Variants in ATXN2 observed in about 807,000 individuals in gnomAD.
The protein encoded by ATXN2 is ataxin 2.
A neutral mutation model predicts 138.6 loss-of-function variants in ATXN2; 37 were observed. That is an observed-to-expected ratio of 0.27 (90% CI 0.21 to 0.35). The LOEUF is 0.35. ATXN2 is among the 10% of genes least tolerant of loss of function. The pLI is 1.00. For synonymous variants in ATXN2, 549 were observed against 543.7 expected (o/e 1.01, Z -0.13); for missense variants, 1,216 against 1,480.3 (o/e 0.82, Z 2.93).
intron 7 of ATXN2, among the ~76,000 whole-genome samples, chr12:111,520,624 C>T (rs1268842732): frequency 6.6e-6 from 1 of 152,022 alleles, no homozygotes; most frequent in Non-Finnish European, 1.5e-5. Flanking sequence ...GCACTCCAGC[C>T]TGGAGACACA....
chr12:111,549,954 C>T (rs1389081703), intron 5 of ATXN2, among the ~76,000 whole-genome samples: 1 of 150,724 alleles, frequency 6.6e-6, no homozygotes, highest in Non-Finnish European at 1.5e-5. Context: ...ACCAGCTACT[C>T]GGGAGGCTGA....
In ATXN2 at chr12:111,457,280, T is replaced by A; in HGVS notation, c.2976A>T (p.Ser992=). 1 of 1,614,128 alleles carries A rather than the reference T, an allele frequency of 6.2e-7. No individual in the cohort carries two copies. The highest frequency in any genetic ancestry group is 2.2e-5 in the East Asian group (1 of 44,884). The change falls in exon 22 of 25, where the codon TCA becomes TCT. Residue 992 remains serine, a synonymous_variant. Coordinates refer to ENST00000673436, the MANE Select transcript of ATXN2 (RefSeq NM_001372574.1). The part of the protein sequence containing the change: ...LHPHTPHPQP[S]ATPTGQQQSQ... Reference sequence around the variant, plus strand: ...TTTGCTGCTGTCCAGTGGGGGTAGCTGAAGGCTGAGGGTGTGGAGTATGTG... The same window carrying A: ...TTTGCTGCTGTCCAGTGGGGGTAGCAGAAGGCTGAGGGTGTGGAGTATGTG...
intron 1 of ATXN2, among the ~76,000 whole-genome samples, chr12:111,568,735 TTAAG>T (rs1483021922): frequency 5.3e-5 from 8 of 152,214 alleles, no homozygotes; most frequent in African/African-American, 1.9e-4. Context: ...GTTTTAATAC[TTAAG>T]TAACTAATAT....
At chr12:111,507,851 A>T (rs375180789) in intron 14 of ATXN2, among the ~76,000 whole-genome samples, 1 of 152,258 alleles carries the variant, frequency 6.6e-6, no homozygotes, top group African/African-American at 2.4e-5. Flanking sequence ...CTGTTGATCT[A>T]TGACCTTACC....
intron 1 of ATXN2, among the ~76,000 whole-genome samples, chr12:111,576,726 G>A (rs1287132049): frequency 2.0e-5 from 3 of 151,812 alleles, no homozygotes; most frequent in East Asian, 2.0e-4. Context: ...TTGGGAGGCC[G>A]AGGCGGGCGG....
At chr12:111,490,073 T>C (rs989630076) in intron 14 of ATXN2, among the ~76,000 whole-genome samples, 3 of 151,580 alleles carry the variant, frequency 2.0e-5, no homozygotes, top group Admixed American at 6.6e-5. Context: ...CCAGGCGTGA[T>C]GGCACACGTG....
intron 8 of ATXN2, 48 bp downstream of exon 8, chr12:111,519,831 C>A: frequency 6.2e-7 from 1 of 1,613,432 alleles, no homozygotes; most frequent in Non-Finnish European, 8.5e-7. Flanking sequence ...CTCACACAGA[C>A]CTTGAGTTGT....
chr12:111,509,642 G>C, intron 13 of ATXN2, 23 bp from the exon 14 acceptor site: 1 of 1,363,354 alleles, frequency 7.3e-7, no homozygotes, highest in Non-Finnish European at 1.0e-6. Flanking sequence ...GAACTGTTAA[G>C]ACACAGGTTT....
At chr12:111,567,392 C>A (rs1033277955) in intron 1 of ATXN2, among the ~76,000 whole-genome samples, 4 of 151,790 alleles carry the variant, frequency 2.6e-5, no homozygotes, top group African/African-American at 7.3e-5. Flanking sequence ...CCCAGATACT[C>A]AGGAGGCTGA....
At chr12:111,462,279 A>C (rs1875644777) in intron 21 of ATXN2, among the ~76,000 whole-genome samples, 1 of 152,226 alleles carries the variant, frequency 6.6e-6, no homozygotes, top group Non-Finnish European at 1.5e-5. Context: ...TTCTAAACAT[A>C]TGATCAGTCA....
intron 11 of ATXN2, chr12:111,513,013 T>G: frequency 4.1e-6 from 1 of 245,868 alleles, no homozygotes; most frequent in South Asian, 5.2e-5. Flanking sequence ...GTTTGCCTCA[T>G]ATTAGAGAGG....
intron 14 of ATXN2, among the ~76,000 whole-genome samples, chr12:111,508,441 C>CTTTTTTTTTTTTTTTT (rs66643315): frequency 2.3e-5 from 2 of 85,656 alleles, no homozygotes; most frequent in Non-Finnish European, 4.2e-5. Context: ...AATTGAAAAA[C>CTTTTTTTTTTTTTTTT]TTTTTTTTTT....
chr12:111,591,482 C>A (rs1005744575), intron 1 of ATXN2, among the ~76,000 whole-genome samples: 1 of 151,882 alleles, frequency 6.6e-6, no homozygotes, highest in African/African-American at 2.4e-5. Flanking sequence ...CCAATCTGGG[C>A]AACATGGCAG....
chr12:111,526,855 G>T (rs532474427), intron 5 of ATXN2, among the ~76,000 whole-genome samples: 3 of 152,230 alleles, frequency 2.0e-5, no homozygotes, highest in African/African-American at 7.2e-5. Flanking sequence ...ATTAGTAAAT[G>T]AAGCCATTCT....
intron 5 of ATXN2, among the ~76,000 whole-genome samples, chr12:111,540,859 TA>T (rs1039206195): frequency 4.0e-5 from 6 of 149,736 alleles, no homozygotes; most frequent in African/African-American, 1.5e-4. Context: ...CATGCCTGAC[TA>T]ATTTTTTTGT....
At chr12:111,574,509 C>T (rs542508455) in intron 1 of ATXN2, among the ~76,000 whole-genome samples, 10 of 151,822 alleles carry the variant, frequency 6.6e-5, no homozygotes, top group Non-Finnish European at 1.3e-4. Flanking sequence ...CTCACTGCAA[C>T]CTCCAATTCC....
At chr12:111,537,582 C>CAAA (rs751737186) in intron 5 of ATXN2, among the ~76,000 whole-genome samples, 13,202 of 96,538 alleles carry the variant, frequency 0.14, 2,112 homozygotes, top group African/African-American at 0.41. Flanking sequence ...GACTCTGTTT[C>CAAA]AAAAAAAAAA....
intron 1 of ATXN2, among the ~76,000 whole-genome samples, chr12:111,561,004 AC>A (rs1265769437): frequency 1.3e-5 from 2 of 150,594 alleles, no homozygotes; most frequent in Admixed American, 6.6e-5. Flanking sequence ...GCGGGCTGAA[AC>A]CCCATCTCTA....
intron 14 of ATXN2, among the ~76,000 whole-genome samples, chr12:111,491,991 AC>A (rs772594161): frequency 6.6e-6 from 1 of 152,148 alleles, no homozygotes; most frequent in Admixed American, 6.5e-5. Flanking sequence ...GAAAGTAAAG[AC>A]CCAGTTCTTG....
Sources: allele counts gnomAD v4.1 joint callset (sites outside exome capture counted in the v4.1 genomes callset), GRCh38; gene constraint gnomAD v4.1.1; transcripts MANE v1.5; gene names NCBI Gene and HGNC (gene_info 2026-07-23, HGNC 2026-07-21).